GRM4: variants seen among roughly 807,000 people sequenced by gnomAD.
The protein encoded by GRM4 is glutamate metabotropic receptor 4.
Under a neutral mutation model 81.7 loss-of-function variants are expected in GRM4, and 28 were observed. The observed-to-expected ratio is 0.34, with a 90% confidence interval of 0.25 to 0.47. The LOEUF (loss-of-function observed/expected upper bound fraction) is 0.47. GRM4 is among the 20% of genes least tolerant of loss of function. The pLI is 1.00. For synonymous variants in GRM4, 488 were observed against 528.8 expected, an observed-to-expected ratio of 0.92 and a Z score of 1.06; for missense variants, 948 against 1,290.0, an observed-to-expected ratio of 0.73 and a Z score of 4.06.
Position 34,092,626 on chromosome 6 carries a change from C to T in GRM4, c.520-527G>A, listed in dbSNP as rs1768296268. Reference sequence around the variant, plus strand: ...GAGCCTCGATTCCAGCTCCCCTGTCCCCCACTCCAACCCCAAGGATGGAAG... The same window carrying T: ...GAGCCTCGATTCCAGCTCCCCTGTCTCCCACTCCAACCCCAAGGATGGAAG... On this transcript the variant is annotated intron_variant, in intron 2 of 10. Transcript: ENST00000538487. This position sits in a 1 kb window ranked among gnomAD's most constrained non-coding sequence, Gnocchi z 6.8. Among the ~76,000 whole-genome samples the T allele has an allele frequency of 6.6e-6, 1 of 152,098 alleles. No homozygotes were observed. The highest frequency in any genetic ancestry group is 1.5e-5 in the Non-Finnish European group (1 of 68,002).
chr6:34,040,781 T>C, intron 6 of GRM4, 33 bp from the exon 7 acceptor site: 5 of 1,555,628 alleles, frequency 3.2e-6, no homozygotes, highest in Non-Finnish European at 4.4e-6. Context: ...GGGACACTCG[T>C]GAGGCCCACT....
chr6:34,082,912 T>C (rs933526834), intron 3 of GRM4, among the ~76,000 whole-genome samples: 4 of 152,212 alleles, frequency 2.6e-5, no homozygotes, highest in African/African-American at 9.6e-5. Context: ...TTGGCCACTC[T>C]ATTCTCCTGC....
chr6:34,123,580 T>C (rs552635052), intron 2 of GRM4, among the ~76,000 whole-genome samples: 187 of 152,292 alleles, frequency 1.2e-3, no homozygotes, highest in African/African-American at 4.2e-3. Flanking sequence ...CTGCACCAAC[T>C]GCCACATGCC....
chr6:34,022,339 TGA>T lies in GRM4; in HGVS notation c.*480_*481del, dbSNP rs994673760. On this transcript the variant is annotated 3_prime_UTR_variant, in exon 11 of 11. Coordinates refer to ENST00000538487, the MANE Select transcript of GRM4 (RefSeq NM_000841.4). This position sits in a 1 kb window ranked among gnomAD's most constrained non-coding sequence, Gnocchi z 5.6. ...CAGGAGGAGCTGAGGACAAAGAGGA[TGA>T]GAGAGAGAGGCGGAGGCAAGAGCCA... 2.6e-4 allele frequency: 44 copies of T among 170,150 alleles called. No homozygotes were observed. Among genetic ancestry groups the T allele is most frequent in the Non-Finnish European group, 4.8e-4 (38 of 79,642 alleles). The allele number at this position is 170,150 out of a possible 1,614,324, so 10.5% of individuals were successfully genotyped here.
chr6:34,146,119 C>T, upstream of GRM4: 1 of 985,568 alleles, frequency 1.0e-6, no homozygotes, highest in South Asian at 4.7e-5. Context: ...GCGCGCTACT[C>T]CCACCCTGGT....
intron 1 of GRM4, among the ~76,000 whole-genome samples, chr6:34,142,629 C>T (rs1770738209): frequency 6.6e-6 from 1 of 152,174 alleles, no homozygotes; most frequent in African/African-American, 2.4e-5. Context: ...GCTGCAGAGC[C>T]CTTCTAGGCC....
intron 2 of GRM4, among the ~76,000 whole-genome samples, chr6:34,124,398 A>G (rs2127506136): frequency 6.6e-6 from 1 of 152,202 alleles, no homozygotes; most frequent in East Asian, 1.9e-4. Context: ...GCGGCTCTCC[A>G]GCCACTCCTT....
intron 5 of GRM4, among the ~76,000 whole-genome samples, chr6:34,057,569 C>T (rs1765970761): frequency 6.6e-6 from 1 of 152,242 alleles, no homozygotes; most frequent in Non-Finnish European, 1.5e-5. Context: ...CCGACCTCTA[C>T]CCACTGGAGG....
At position 34,034,891 on chromosome 6, in the gene GRM4, C is replaced by G. The variant is rs574889582; in HGVS notation, c.2442+777G>C. On this transcript the variant is annotated intron_variant, in intron 9 of 10. Transcript: ENST00000538487. This position sits in a 1 kb window ranked among gnomAD's most constrained non-coding sequence, Gnocchi z 4.0. ...CACCCCCGAGTCACCCAGCCAGCACCAGGACTGGGATGTGGGCCGAGCATA... is the reference window on the plus strand; with the variant it reads ...CACCCCCGAGTCACCCAGCCAGCACGAGGACTGGGATGTGGGCCGAGCATA... 6.6e-6 allele frequency among the ~76,000 whole-genome samples: 1 copy of G among 152,260 alleles called. No homozygotes were observed. Among genetic ancestry groups the G allele is most frequent in the African/African-American group, 2.4e-5 (1 of 41,508 alleles).
intron 3 of GRM4, among the ~76,000 whole-genome samples, chr6:34,077,069 A>G (rs913391847): frequency 1.8e-4 from 27 of 152,044 alleles, no homozygotes; most frequent in Admixed American, 1.4e-3. Flanking sequence ...CTCAACAGAC[A>G]TTTGGAGTGG....
chr6:34,044,671 GACACACACAC>G (rs555808028), intron 6 of GRM4, among the ~76,000 whole-genome samples: 1 of 72,332 alleles, frequency 1.4e-5, no homozygotes, highest in Non-Finnish European at 2.9e-5. Context: ...TATATACACA[GACACACACAC>G]ACAGACATAC....
intron 9 of GRM4, among the ~76,000 whole-genome samples, chr6:34,030,463 T>G (rs1265897167): frequency 6.6e-6 from 1 of 152,208 alleles, no homozygotes; most frequent in African/African-American, 2.4e-5. Flanking sequence ...GAGGAACCCT[T>G]GCAGTGGACA....
rs1459913523 is a variant in GRM4 at position 34,022,129 on chromosome 6, A to G, written c.*692T>C. 2 of 153,830 alleles carry G rather than the reference A, an allele frequency of 1.3e-5. No individual in the cohort carries two copies. Among genetic ancestry groups the G allele is most frequent in the Non-Finnish European group, 2.9e-5 (2 of 69,104 alleles). 9.5% of individuals were successfully genotyped at this position (153,830 alleles called of 1,614,324 possible). ...CGCAGCACTTGGCAACACACTCGAG[A>G]TTTGTTTTCGTTTTGGCTTTTTTGT... is the stretch of plus-strand genomic sequence containing the variant. On this transcript the variant is annotated 3_prime_UTR_variant, in exon 11 of 11. Coordinates refer to ENST00000538487, the MANE Select transcript of GRM4 (RefSeq NM_000841.4). The surrounding 1 kb of genome is among the most constrained non-coding windows in gnomAD (Gnocchi z 5.6).
rs369263665 is a variant in GRM4, at chr6:34,082,096, G to A, written c.736+9787C>T. ...AGATCCCTGTCCAGTGGGAGCCTGC[G>A]GGACAGATCCCTGTCCAGTGGGAGC... On this transcript the variant is annotated intron_variant, in intron 3 of 10. Transcript: ENST00000538487. Among the ~76,000 whole-genome samples the A allele has an allele frequency of 3.3e-5, 5 of 149,284 alleles. No homozygotes were observed. In the East Asian group the frequency reaches 8.3e-4, roughly 25 times the overall value.
In GRM4 at chr6:34,115,272, G is replaced by A. The variant is rs1222740737; in HGVS notation, c.519+17706C>T. 6.6e-6 allele frequency among the ~76,000 whole-genome samples: 1 copy of A among 152,240 alleles called. No individual in the cohort carries two copies. The highest frequency in any genetic ancestry group is 2.4e-5 in the African/African-American group (1 of 41,460). On this transcript the variant is annotated intron_variant, in intron 2 of 10. Transcript: ENST00000538487. The surrounding 1 kb of genome is among the most constrained non-coding windows in gnomAD (Gnocchi z 4.1). ...TGCGTGTGTGTGTGTGTGCATGCGT[G>A]TGGCCACCCCCGTGGGTGAGGACAG...
intron 2 of GRM4, among the ~76,000 whole-genome samples, chr6:34,098,598 A>T (rs1208513182): frequency 6.6e-6 from 1 of 152,244 alleles, no homozygotes; most frequent in African/African-American, 2.4e-5. Flanking sequence ...GGCCAGCACA[A>T]GCCCCAGGCT....
At chr6:34,117,937 G>A (rs981398834) in intron 2 of GRM4, among the ~76,000 whole-genome samples, 3 of 152,164 alleles carry the variant, frequency 2.0e-5, no homozygotes, top group Non-Finnish European at 4.4e-5. Flanking sequence ...AGATGCGAGG[G>A]CCCCTTGGGT....
chr6:34,151,282 C>T (rs2451329), intron 1 of GRM4, among the ~76,000 whole-genome samples: 140,775 of 152,214 alleles, frequency 0.92, 65,460 homozygotes, highest in East Asian at 0.98. Context: ...AATGAATGAA[C>T]GACCCACCTA....
rs1769433910 is a variant in GRM4 at position 34,112,664 on chromosome 6, GGGAA to G, written c.519+20310_519+20313del. The stretch of plus-strand genomic sequence containing the variant: ...CCTATCCTGGCCCCAACTTCTTGGT[GGGAA>G]GGGGTTGGAGGCGGCAGGGGAAGCT... On this transcript the variant is annotated intron_variant, in intron 2 of 10. Transcript: ENST00000538487. 2.0e-5 allele frequency among the ~76,000 whole-genome samples: 3 copies of G among 152,202 alleles called. No homozygotes were observed. In the South Asian group the frequency reaches 6.2e-4, roughly 32 times the overall value.
Sources: gnomAD v4.1 joint callset for allele counts (sites outside exome capture counted in the v4.1 genomes callset) on GRCh38, gnomAD v4.1.1 for gene constraint, Gnocchi (gnomAD v3.1) non-coding constraint, MANE v1.5 for transcripts, NCBI Gene and HGNC (gene_info 2026-07-23, HGNC 2026-07-21) for gene names.